NR4A2: variants seen among roughly 807,000 people sequenced by gnomAD.
NR4A2 encodes the protein NGFI-B/nur77 beta-type transcription factor homolog.
Under a neutral mutation model 50.5 loss-of-function variants are expected in NR4A2, and 1 was observed. The observed-to-expected ratio is 0.02, with a 90% CI of 0.01 to 0.09. The LOEUF is 0.09. Ranked by LOEUF, NR4A2 falls within the 10% of genes least tolerant of loss-of-function variation. The probability of loss-of-function intolerance (pLI) is 1.00; values close to 1 mark genes in which losing one functional copy is unlikely to be tolerated. For missense variants in NR4A2, 613 were observed against 777.3 expected, an observed-to-expected ratio of 0.79 and a Z score of 2.51; for synonymous variants, 328 against 309.4, an observed-to-expected ratio of 1.06 and a Z score of -0.63.
In NR4A2 at chr2:156,325,980, G is replaced by A; in HGVS notation, c.1561C>T (p.Pro521Ser). The A allele has an allele frequency of 6.2e-7, 1 of 1,614,150 alleles. No homozygotes were observed. The highest frequency in any genetic ancestry group is 8.5e-7 in the Non-Finnish European group (1 of 1,180,034). Residue 521 changes from proline (P) to serine (S), a missense_variant, in exon 8 of 8, where the codon CCC becomes TCC. Pro to Ser is a moderately conservative substitution (Grantham distance 74). Coordinates refer to ENST00000339562, the MANE Select transcript of NR4A2 (RefSeq NM_006186.4). ...MVTERHGLKE[P>S]KRVEELQNKI... is the part of the protein sequence containing the mutation. ...TTTTGCAGTTCTTCCACTCTCTTGG[G>A]TTCCTTGAGCCCGTGTCTCTCTGCA...
At position 156,324,675 on chromosome 2, in the gene NR4A2, A is replaced by G. The variant is rs1686562238; in HGVS notation, c.*1069T>C. 6.6e-6 allele frequency: 1 copy of G among 152,620 alleles called. No individual in the cohort carries two copies. Among genetic ancestry groups the G allele is most frequent in the African/African-American group, 2.4e-5 (1 of 41,472 alleles). 9.5% of individuals were successfully genotyped at this position (152,620 alleles called of 1,614,324 possible). A position where few individuals can be genotyped will look rare whatever the true frequency, so the allele number is the denominator to read the frequency against. On this transcript the variant is annotated 3_prime_UTR_variant, in exon 8 of 8. Coordinates refer to ENST00000339562, the MANE Select transcript of NR4A2 (RefSeq NM_006186.4). ...CAATTTTAGACATAAAAAAAATTCA[A>G]AGTGCTCAGTTATTTCCAGGGAGTT... is the stretch of plus-strand genomic sequence containing the variant.
In NR4A2 at chr2:156,329,596, G is replaced by A. The variant is rs769738246; in HGVS notation, c.591C>T (p.Pro197=). The A allele has an allele frequency of 1.9e-6, 3 of 1,608,576 alleles. No homozygotes were observed. Among genetic ancestry groups the A allele is most frequent in the African/African-American group, 1.3e-5 (1 of 75,014 alleles). Residue 197 remains proline (P), a synonymous_variant, in exon 3 of 8, where the codon CCC becomes CCT. Coordinates refer to ENST00000339562, the MANE Select transcript of NR4A2 (RefSeq NM_006186.4). This position sits in a 1 kb window ranked among gnomAD's most constrained non-coding sequence, Gnocchi z 7.5. The part of the protein sequence containing the change: ...VSSCQMRFDG[P]LHVPMNPEPA... ...GCTCCGGGTTCATGGGGACGTGCAG[G>A]GGCCCGTCGAAGCGCATCTGGCAAC...
chr2:156,326,899 G>T lies in NR4A2; in HGVS notation c.1180C>A (p.Gln394Lys). The change falls in exon 6 of 8, where the codon CAA becomes AAA. Residue 394 changes from glutamine to lysine, a missense_variant. Physicochemically the swap from Gln to Lys is moderately conservative, Grantham distance 53. This residue lies in a region of NR4A2 where 250 missense variants were observed against 311.3 expected (regional missense o/e 0.80). Coordinates refer to ENST00000339562, the MANE Select transcript of NR4A2 (RefSeq NM_006186.4). This position sits in a 1 kb window ranked among gnomAD's most constrained non-coding sequence, Gnocchi z 4.2. ...YSRFQANPDYQMSGDDTQHIQ... is the reference protein window; with the variant it reads ...YSRFQANPDYKMSGDDTQHIQ... ...TGCTGGGTGTCATCTCCACTCATTT[G>T]ATAGTCAGGGTTCGCCTGGAACTGG... 6.2e-7 allele frequency: 1 copy of T among 1,614,170 alleles called. No individual in the cohort carries two copies. Among genetic ancestry groups the T allele is most frequent in the Non-Finnish European group, 8.5e-7 (1 of 1,180,014 alleles).
chr2:156,330,036 T>G lies in NR4A2; in HGVS notation c.151A>C (p.Ile51Leu). 6.2e-7 allele frequency: 1 copy of G among 1,614,136 alleles called. No individual in the cohort carries two copies. The highest frequency in any genetic ancestry group is 8.5e-7 in the Non-Finnish European group (1 of 1,180,028). Reference sequence around the variant, plus strand: ...CTGGGGAGAGAAGTGGTGGCAGTGATTTCAGTGTTGGTGAGGTCCATGCTA... The same window carrying G: ...CTGGGGAGAGAAGTGGTGGCAGTGAGTTCAGTGTTGGTGAGGTCCATGCTA... The part of the protein sequence containing the change: ...KFSMDLTNTE[I>L]TATTSLPSFS... Residue 51 changes from isoleucine to leucine, a missense_variant, in exon 3 of 8, where the codon ATC (isoleucine) becomes CTC (leucine). By Grantham distance (5) the Ile-to-Leu change is conservative (BLOSUM62 2). Around this residue, in one of 4 missense-constraint regions of NR4A2, gnomAD observed 61 missense variants for 96.4 expected, o/e 0.63. Transcript: ENST00000339562.
At position 156,326,166 on chromosome 2, in the gene NR4A2, G is replaced by C; in HGVS notation, c.1524C>G (p.Ala508=). Residue 508 remains alanine, a synonymous_variant, in exon 7 of 8, where the codon GCC becomes GCG. Coordinates refer to ENST00000339562, the MANE Select transcript of NR4A2 (RefSeq NM_006186.4). This position sits in a 1 kb window ranked among gnomAD's most constrained non-coding sequence, Gnocchi z 4.2. ...AGTACTGACCTGTGACCATAGCCAG[G>C]GCAGCAATGCAGGAGAAGGCAGAAA... ...IDISAFSCIA[A]LAMVTERHGL... 2 of 1,614,200 alleles carry C rather than the reference G, an allele frequency of 1.2e-6. No homozygotes were observed. The highest frequency in any genetic ancestry group is 1.7e-6 in the Non-Finnish European group (2 of 1,180,040).
In NR4A2 at chr2:156,331,983, C is replaced by T. The variant is rs570211545; in HGVS notation, c.-127+497G>A. ...GGCAACTTAGTAACAGGACACGCTA[C>T]CAACACCACCCTTACTCAACAATAC... On this transcript the variant is annotated intron_variant, in intron 1 of 7. Transcript: ENST00000339562. 2.5e-5 allele frequency: 4 copies of T among 160,500 alleles called. No homozygotes were observed. In the East Asian group the frequency reaches 7.0e-4, roughly 28 times the overall value. The allele number at this position is 160,500 out of a possible 1,614,324, so 9.9% of individuals were successfully genotyped here. A position where few individuals can be genotyped will look rare whatever the true frequency, so the allele number is the denominator to read the frequency against.
At position 156,329,614 on chromosome 2, in the gene NR4A2, C is replaced by T. The variant is rs775151605; in HGVS notation, c.573G>A (p.Gln191=). Residue 191 remains glutamine, a synonymous_variant, in exon 3 of 8, where the codon CAG becomes CAA. Transcript: ENST00000339562. This position sits in a 1 kb window ranked among gnomAD's most constrained non-coding sequence, Gnocchi z 7.5. ...CGTGCAGGGGCCCGTCGAAGCGCAT[C>T]TGGCAACTAGACACCGGGGTGCCAG... ...SPPGTPVSSC[Q]MRFDGPLHVP... 6.2e-7 allele frequency: 1 copy of T among 1,611,972 alleles called. No individual in the cohort carries two copies. Among genetic ancestry groups the T allele is most frequent in the South Asian group, 1.1e-5 (1 of 90,950 alleles).
rs886054978 is a variant in NR4A2 at position 156,325,906 on chromosome 2, C to A, written c.1635G>T (p.Gly545=). The A allele has an allele frequency of 1.9e-6, 3 of 1,614,192 alleles. No individual in the cohort carries two copies. Among genetic ancestry groups the A allele is most frequent in the Non-Finnish European group, 8.5e-7 (1 of 1,180,038 alleles). ...TGGACAAATAATTGGGGCGGTTCAA[C>A]CCCCCATTGTTGAAAGTCACGTGGT... ...LKDHVTFNNG[G]LNRPNYLSKL... Residue 545 remains glycine (G), a synonymous_variant, in exon 8 of 8, where the codon GGG becomes GGT. Transcript: ENST00000339562.
Position 156,328,377 on chromosome 2 carries a change from G to A in NR4A2, c.994+27C>T. ...AGTGGTTTCCTAAAGGCGCAAACTG[G>A]AGGGTCGGCAGCTCCCCTCAGCCTA... On this transcript the variant is annotated intron_variant, in intron 4 of 7. Coordinates refer to ENST00000339562, the MANE Select transcript of NR4A2 (RefSeq NM_006186.4). This position sits in a 1 kb window ranked among gnomAD's most constrained non-coding sequence, Gnocchi z 4.9. 3 of 1,614,086 alleles carry A rather than the reference G, an allele frequency of 1.9e-6. No homozygotes were observed. The highest frequency in any genetic ancestry group is 2.5e-6 in the Non-Finnish European group (3 of 1,179,966).
rs1157646609 is a variant in NR4A2 at position 156,328,254 on chromosome 2, C to A, written c.994+150G>T. The stretch of plus-strand genomic sequence containing the variant: ...GCCTGGCGGCTTTCTCTAGGGAAGG[C>A]CGGGCAAGCAGGCAGCTGCAGGGTC... On this transcript the variant is annotated intron_variant, in intron 4 of 7. Transcript: ENST00000339562. The surrounding 1 kb of genome is among the most constrained non-coding windows in gnomAD (Gnocchi z 4.9). 6 of 1,356,676 alleles carry A rather than the reference C, an allele frequency of 4.4e-6. No individual in the cohort carries two copies. Among genetic ancestry groups the A allele is most frequent in the Non-Finnish European group, 6.2e-6 (6 of 960,240 alleles). The allele number at this position is 1,356,676 out of a possible 1,614,324, so 84.0% of individuals were successfully genotyped here.
Position 156,328,603 on chromosome 2 carries a change from TTC to T in NR4A2, c.865-72_865-71del. On this transcript the variant is annotated intron_variant, in intron 3 of 7. Coordinates refer to ENST00000339562, the MANE Select transcript of NR4A2 (RefSeq NM_006186.4). The surrounding 1 kb of genome is among the most constrained non-coding windows in gnomAD (Gnocchi z 4.9). ...GAAAATCAGGCAACTCGGAGAAAAT[TTC>T]TGTTATGTGACTGGGGTCTACGATT... is the stretch of plus-strand genomic sequence containing the variant. The T allele has an allele frequency of 1.2e-6, 2 of 1,600,390 alleles. No homozygotes were observed. Among genetic ancestry groups the T allele is most frequent in the East Asian group, 2.2e-5 (1 of 44,806 alleles).
chr2:156,325,851 T>A lies in NR4A2; in HGVS notation c.1690A>T (p.Thr564Ser). 6.2e-7 allele frequency: 1 copy of A among 1,614,198 alleles called. No individual in the cohort carries two copies. Among genetic ancestry groups the A allele is most frequent in the South Asian group, 1.1e-5 (1 of 91,076 alleles). ...KLLGKLPELR[T>S]LCTQGLQRIF... ...CGCTGTAGCCCCTGTGTGCAAAGGG[T>A]ACGAAGTTCTGGGAGCTTCCCCAAC... The change falls in exon 8 of 8, where the codon ACC becomes TCC. Residue 564 changes from threonine (T) to serine (S), a missense_variant. Transcript: ENST00000339562.
At position 156,330,632 on chromosome 2, in the gene NR4A2, C is replaced by T. The variant is rs1172414204; in HGVS notation, c.-3+36G>A. The T allele has an allele frequency of 3.0e-6, 4 of 1,332,522 alleles. No homozygotes were observed. In the African/African-American group the frequency reaches 5.9e-5, roughly 20 times the overall value. 82.5% of individuals were successfully genotyped at this position (1,332,522 alleles called of 1,614,324 possible). ...CCTGTTTCTTGATGTTTGGGGAGCT[C>T]TGGAGAGTAAAGGAAAGAAATGAAG... On this transcript the variant is annotated intron_variant, in intron 2 of 7. Transcript: ENST00000339562.
rs1686640084 is a variant in NR4A2, at chr2:156,326,311, C to CCCT, written c.1376_1378dup (p.Glu459dup). The CCCT allele has an allele frequency of 6.2e-7, 1 of 1,614,038 alleles. No homozygotes were observed. Among genetic ancestry groups the CCCT allele is most frequent in the South Asian group, 1.1e-5 (1 of 91,090 alleles). ...CACCCCATTGCAAAAGATGAGTTTA[C>CCCT]CCTCCACTGGGTTGGACCTGCAATT... On this transcript the variant is annotated inframe_insertion, in exon 7 of 8. Transcript: ENST00000339562. This position sits in a 1 kb window ranked among gnomAD's most constrained non-coding sequence, Gnocchi z 4.2.
intron 1 of NR4A2, chr2:156,331,943 A>G (rs1686945574): frequency 6.3e-6 from 1 of 158,924 alleles, no homozygotes; most frequent in Non-Finnish European, 1.4e-5. Flanking sequence ...GCATATGTCA[A>G]AACCAGAAAT....
chr2:156,326,628 C>A lies in NR4A2; in HGVS notation c.1361+90G>T. On this transcript the variant is annotated intron_variant, in intron 6 of 7. Coordinates refer to ENST00000339562, the MANE Select transcript of NR4A2 (RefSeq NM_006186.4). This position sits in a 1 kb window ranked among gnomAD's most constrained non-coding sequence, Gnocchi z 4.2. ...TTTCCTATTCTGTCTTTTTCTCTAC[C>A]CCACCCTCTGGTTTCCCTTCCTCCC... The A allele has an allele frequency of 2.2e-6, 3 of 1,370,450 alleles. No homozygotes were observed. Among genetic ancestry groups the A allele is most frequent in the Non-Finnish European group, 3.1e-6 (3 of 966,842 alleles). 84.9% of individuals were successfully genotyped at this position (1,370,450 alleles called of 1,614,324 possible).
At position 156,326,203 on chromosome 2, in the gene NR4A2, A is replaced by G; in HGVS notation, c.1487T>C (p.Met496Thr). 1 of 1,614,224 alleles carries G rather than the reference A, an allele frequency of 6.2e-7. No individual in the cohort carries two copies. Among genetic ancestry groups the G allele is most frequent in the Non-Finnish European group, 8.5e-7 (1 of 1,180,036 alleles). ...GGAGAAGGCAGAAATGTCGATGTTC[A>G]TATTCTGCAAGTTGGAGGAGAATTC... ...IVEFSSNLQN[M>T]NIDISAFSCI... is the part of the protein sequence containing the mutation. Residue 496 changes from methionine to threonine, a missense_variant, in exon 7 of 8, where the codon ATG becomes ACG. Met to Thr is a moderately conservative substitution (Grantham distance 81). Around this residue, in one of 4 missense-constraint regions of NR4A2, gnomAD observed 250 missense variants for 311.3 expected, o/e 0.80. Transcript: ENST00000339562. This position sits in a 1 kb window ranked among gnomAD's most constrained non-coding sequence, Gnocchi z 4.2.
chr2:156,326,580 T>C lies in NR4A2; in HGVS notation c.1361+138A>G. The stretch of plus-strand genomic sequence containing the variant: ...CTCGTCTTTTTTTGTTTTCTTTCTT[T>C]TTCTTCCTTTCTCCGACTTCCATTT... On this transcript the variant is annotated intron_variant, in intron 6 of 7. Coordinates refer to ENST00000339562, the MANE Select transcript of NR4A2 (RefSeq NM_006186.4). The surrounding 1 kb of genome is among the most constrained non-coding windows in gnomAD (Gnocchi z 4.2). 1 of 1,106,682 alleles carries C rather than the reference T, an allele frequency of 9.0e-7. No individual in the cohort carries two copies. The allele number at this position is 1,106,682 out of a possible 1,614,324, so 68.6% of individuals were successfully genotyped here. A position where few individuals can be genotyped will look rare whatever the true frequency, so the allele number is the denominator to read the frequency against.
chr2:156,329,755 G>A lies in NR4A2; in HGVS notation c.432C>T (p.Asp144=). 6.2e-7 allele frequency: 1 copy of A among 1,613,550 alleles called. No individual in the cohort carries two copies. Among genetic ancestry groups the A allele is most frequent in the East Asian group, 2.2e-5 (1 of 44,862 alleles). The change falls in exon 3 of 8, where the codon GAC becomes GAT. Residue 144 remains aspartate, a synonymous_variant. Transcript: ENST00000339562. This position sits in a 1 kb window ranked among gnomAD's most constrained non-coding sequence, Gnocchi z 7.5. ...GFQVQHSPMW[D]DPGSLHNFHQ... ...GGAAGTTGTGGAGAGATCCCGGGTC[G>A]TCCCACATGGGGCTGTGCTGCACCT...
Sources: gnomAD v4.1 joint callset for allele counts on GRCh38, gnomAD v4.1.1 for gene constraint, gnomAD v4.1.1 regional missense constraint, Gnocchi (gnomAD v3.1) non-coding constraint, MANE v1.5 for transcripts, NCBI Gene and HGNC (gene_info 2026-07-23, HGNC 2026-07-21) for gene names.